The following TLCD1 variants were observed in gnomAD, a reference collection of about 807,000 sequenced individuals.
TLCD1 encodes TLC domain-containing protein 1.
TLCD1 carries 21 observed loss-of-function variants against 21.2 expected under a neutral mutation model. The observed-to-expected ratio is 0.99, with a 90% CI of 0.70 to 1.42. The LOEUF is 1.42. TLCD1 is among the 40% of genes most tolerant of loss of function. TLCD1 has a pLI of 0.00. For synonymous variants in TLCD1, 168 were observed against 134.8 expected, an observed-to-expected ratio of 1.25 and a Z score of -1.71; for missense variants, 344 against 330.3, an observed-to-expected ratio of 1.04 and a Z score of -0.32.
chr17:28,725,414 T>C (rs927529060), intron 2 of TLCD1, 28 bp from the exon 3 acceptor site: 3 of 1,614,002 alleles, frequency 1.9e-6, no homozygotes, highest in Non-Finnish European at 2.5e-6. Flanking sequence ...CAAGAGATCA[T>C]GAACTGAACA....
Position 28,724,612 on chromosome 17 carries a change from C to CA in TLCD1, c.641dup (p.Asp215GlyfsTer15). ...AAAAGTAGATTATGATCATCACGTCCAGCATGAGCAGGATACCCAGCAGGA... is the reference window on the plus strand; with the variant it reads ...AAAAGTAGATTATGATCATCACGTCCAAGCATGAGCAGGATACCCAGCAGGA... On this transcript the variant is annotated frameshift_variant, in exon 4 of 4. Transcript: ENST00000292090. LOFTEE classifies it high-confidence loss of function. 2 of 1,614,136 alleles carry CA rather than the reference C, an allele frequency of 1.2e-6. No individual in the cohort carries two copies. Among genetic ancestry groups the CA allele is most frequent in the South Asian group, 2.2e-5 (2 of 91,068 alleles).
upstream of TLCD1, chr17:28,726,953 C>T: frequency 1.3e-6 from 1 of 776,208 alleles, no homozygotes; most frequent in Non-Finnish European, 2.1e-6. Context: ...GAGTGACCCG[C>T]GCTCTCCAAG....
upstream of TLCD1, chr17:28,727,471 C>A: frequency 6.5e-6 from 1 of 152,964 alleles, no homozygotes; most frequent in Non-Finnish European, 1.5e-5. Context: ...GCAGTCATTC[C>A]ACGTGGGTGG....
chr17:28,726,990 C>T (rs1236009594), upstream of TLCD1: 1 of 638,412 alleles, frequency 1.6e-6, no homozygotes, highest in Non-Finnish European at 2.8e-6. Context: ...GTTGCGGCTC[C>T]TAGCCACTAG....
In TLCD1 at chr17:28,725,890, A is replaced by C; in HGVS notation, c.194+14T>G. 1.2e-6 allele frequency: 2 copies of C among 1,610,354 alleles called. No individual in the cohort carries two copies. Among genetic ancestry groups the C allele is most frequent in the Non-Finnish European group, 1.7e-6 (2 of 1,178,828 alleles). ...GATCCCCTGGCCACCTCATTTCCACAGTCGCTCACTCACCACAGCAGTGCC... is the reference window on the plus strand; with the variant it reads ...GATCCCCTGGCCACCTCATTTCCACCGTCGCTCACTCACCACAGCAGTGCC... On this transcript the variant is annotated intron_variant, in intron 1 of 3. Transcript: ENST00000292090.
upstream of TLCD1, chr17:28,727,206 T>G (rs1597801599): frequency 4.3e-6 from 1 of 230,308 alleles, no homozygotes; most frequent in East Asian, 1.0e-4. Flanking sequence ...AGGGGAAAGG[T>G]GCTGCGGGCG....
upstream of TLCD1, chr17:28,726,939 GCTGGAGTGA>G (rs1453237858): frequency 1.1e-4 from 101 of 893,138 alleles, no homozygotes; most frequent in Non-Finnish European, 1.1e-4. Context: ...TGCCGGGACA[GCTGGAGTGA>G]CCCGCGCTCT....
rs1447448469 is a variant in TLCD1 at position 28,725,265 on chromosome 17, G to A, written c.360+39C>T. 3 of 1,603,544 alleles carry A rather than the reference G, an allele frequency of 1.9e-6. No individual in the cohort carries two copies. In the South Asian group the frequency reaches 3.3e-5, roughly 18 times the overall value. ...AAGACGGAGCTGAGACTAGATTACT[G>A]ACACCAGGCCTATACCACATAGTCT... On this transcript the variant is annotated intron_variant, in intron 3 of 3. Transcript: ENST00000292090.
chr17:28,727,038 C>G (rs2034243556), upstream of TLCD1: 28 of 587,558 alleles, frequency 4.8e-5, no homozygotes, highest in South Asian at 5.5e-4. Flanking sequence ...GGCTCCCCCT[C>G]CCGCCTCCGA....
chr17:28,727,531 C>T (rs1335148620), upstream of TLCD1: 3 of 152,410 alleles, frequency 2.0e-5, no homozygotes, highest in East Asian at 5.8e-4. Flanking sequence ...ATAAAACGCC[C>T]CTTTCCTCAC....
In TLCD1 at chr17:28,724,883, G is replaced by T; in HGVS notation, c.371C>A (p.Ala124Asp). 2 of 1,613,306 alleles carry T rather than the reference G, an allele frequency of 1.2e-6. No homozygotes were observed. The highest frequency in any genetic ancestry group is 1.1e-5 in the South Asian group (1 of 91,048). The change falls in exon 4 of 4, where the codon GCC becomes GAC. Residue 124 changes from alanine to aspartate, a missense_variant. By Grantham distance (126) the Ala-to-Asp change is moderately radical. Coordinates refer to ENST00000292090, the MANE Select transcript of TLCD1 (RefSeq NM_138463.4). ...GCTCCAAAAGATGCCGGAGAAGAAG[G>T]CACCCATGGCCTAGAGGGAAGAAAG... is the stretch of plus-strand genomic sequence containing the variant. ...YLVHHVMAMG[A>D]FFSGIFWSSF...
Position 28,725,957 on chromosome 17 carries a change from G to A in TLCD1, c.141C>T (p.Asn47=). The A allele has an allele frequency of 6.2e-7, 1 of 1,612,800 alleles. No individual in the cohort carries two copies. The highest frequency in any genetic ancestry group is 8.5e-7 in the Non-Finnish European group (1 of 1,179,798). Residue 47 remains asparagine, a synonymous_variant, in exon 1 of 4, where the codon AAC becomes AAT. Coordinates refer to ENST00000292090, the MANE Select transcript of TLCD1 (RefSeq NM_138463.4). ...TGGAGTGAGCGAAGGAGACGAGCAG[G>A]TTGTGCCAGCGCCAGGTGCGCAGGG... ...ADPLRTWRWH[N]LLVSFAHSIV...
chr17:28,724,632 G>A lies in TLCD1; in HGVS notation c.622C>T (p.Leu208=). 1 of 1,614,140 alleles carries A rather than the reference G, an allele frequency of 6.2e-7. No individual in the cohort carries two copies. Residue 208 remains leucine, a synonymous_variant, in exon 4 of 4, where the codon CTG becomes TTG. Coordinates refer to ENST00000292090, the MANE Select transcript of TLCD1 (RefSeq NM_138463.4). ...VNQRTLGTFL[L]GILLMLDVMI... is the part of the protein sequence containing the mutation. ...ACGTCCAGCATGAGCAGGATACCCAGCAGGAAGGTGCCCAGGGTCCTCTGG... is the reference window on the plus strand; with the variant it reads ...ACGTCCAGCATGAGCAGGATACCCAACAGGAAGGTGCCCAGGGTCCTCTGG...
intron 3 of TLCD1, 35 bp from the exon 4 acceptor site, chr17:28,724,928 A>G (rs771328648): frequency 1.5e-5 from 23 of 1,582,744 alleles, no homozygotes; most frequent in Non-Finnish European, 1.5e-5. Flanking sequence ...TAGGGAACCC[A>G]GATGCAGACG....
At position 28,725,578 on chromosome 17, in the gene TLCD1, AGAG is replaced by A. The variant is rs2034211125; in HGVS notation, c.195-18_195-16del. The A allele has an allele frequency of 6.2e-7, 1 of 1,613,596 alleles. No individual in the cohort carries two copies. Among genetic ancestry groups the A allele is most frequent in the Non-Finnish European group, 8.5e-7 (1 of 1,179,588 alleles). On this transcript the variant is annotated splice_polypyrimidine_tract_variant and intron_variant, in intron 1 of 3. Transcript: ENST00000292090. ...TCTGCCATACACTGGAAAGGAGGGA[AGAG>A]GAGGCTCTGCATTTCGGCACCCTCA... is the stretch of plus-strand genomic sequence containing the variant.
At position 28,725,561 on chromosome 17, in the gene TLCD1, A is replaced by G. The variant is rs370306344; in HGVS notation, c.197T>C (p.Val66Ala). ...IVSGIWALLC[V>A]WQTPDMLVEI... is the part of the protein sequence containing the mutation. ...CACTAACATGTCAGGAGTCTGCCAT[A>G]CACTGGAAAGGAGGGAAGAGGAGGC... is the stretch of plus-strand genomic sequence containing the variant. Residue 66 changes from valine to alanine, a missense_variant and splice_region_variant, in exon 2 of 4, where the codon GTA (valine) becomes GCA (alanine). Physicochemically the swap from Val to Ala is moderately conservative, Grantham distance 64. Transcript: ENST00000292090. The G allele has an allele frequency of 6.2e-7, 1 of 1,614,040 alleles. No individual in the cohort carries two copies. The highest frequency in any genetic ancestry group is 8.5e-7 in the Non-Finnish European group (1 of 1,179,920).
upstream of TLCD1, chr17:28,726,887 C>A: frequency 7.0e-7 from 1 of 1,419,908 alleles, no homozygotes; most frequent in Non-Finnish European, 9.6e-7. Context: ...TCCCGGCCCT[C>A]GGCCCGGCTC....
Position 28,724,660 on chromosome 17 carries a change from C to G in TLCD1, c.594G>C (p.Val198=). Residue 198 remains valine (V), a synonymous_variant, in exon 4 of 4, where the codon GTG becomes GTC. Transcript: ENST00000292090. ...GGAAGGTGCCCAGGGTCCTCTGGTT[C>G]ACATAACGCAAGAAGAAATGGGTGA... The part of the protein sequence containing the change: ...AYLTHFFLRY[V]NQRTLGTFLL... 1.2e-6 allele frequency: 2 copies of G among 1,614,130 alleles called. No individual in the cohort carries two copies. The highest frequency in any genetic ancestry group is 1.7e-6 in the Non-Finnish European group (2 of 1,180,004).
chr17:28,724,799 G>T lies in TLCD1; in HGVS notation c.455C>A (p.Thr152Asn), dbSNP rs1236973196. 1 of 1,614,122 alleles carries T rather than the reference G, an allele frequency of 6.2e-7. No individual in the cohort carries two copies. The highest frequency in any genetic ancestry group is 8.5e-7 in the Non-Finnish European group (1 of 1,180,032). ...LLVEVSNIFL[T>N]IRMMMKISNA... ...ACTGATTTTCATCATCATGCGAATG[G>T]TGAGGAAGATGTTGCTGACTTCCAC... The change falls in exon 4 of 4, where the codon ACC becomes AAC. Residue 152 changes from threonine to asparagine, a missense_variant. Coordinates refer to ENST00000292090, the MANE Select transcript of TLCD1 (RefSeq NM_138463.4).
Sources: allele counts gnomAD v4.1 joint callset, GRCh38; gene constraint gnomAD v4.1.1; transcripts MANE v1.5; gene names NCBI Gene and HGNC (gene_info 2026-07-23, HGNC 2026-07-21).